The following SECISBP2 variants were observed in gnomAD, a reference collection of about 807,000 sequenced individuals.
The protein encoded by SECISBP2 is selenocysteine insertion sequence-binding protein 2.
In SECISBP2, 96 loss-of-function variants were observed where a neutral mutation model predicts 98.2. The ratio of observed to expected loss-of-function variants is 0.98; its 90% CI spans 0.83 to 1.16. The LOEUF (loss-of-function observed/expected upper bound fraction) is 1.16. Ranked by LOEUF, SECISBP2 falls within the 50% of genes most tolerant of loss-of-function variation. The pLI is 0.00. For synonymous variants in SECISBP2, 407 were observed against 370.2 expected, an observed-to-expected ratio of 1.10 and a Z score of -1.14; for missense variants, 1,046 against 1,022.9, an observed-to-expected ratio of 1.02 and a Z score of -0.31.
intron 7 of SECISBP2, among the ~76,000 whole-genome samples, chr9:89,336,248 C>G (rs557636852): frequency 1.3e-5 from 2 of 151,826 alleles, no homozygotes; most frequent in East Asian, 3.9e-4. Context: ...GTTTCCCAGG[C>G]TGGTCTTGAA....
intron 12 of SECISBP2, among the ~76,000 whole-genome samples, chr9:89,349,437 T>G (rs1214288019): frequency 6.6e-6 from 1 of 152,192 alleles, no homozygotes; most frequent in African/African-American, 2.4e-5. Flanking sequence ...TGATAAGAGA[T>G]TCTTCAAAAT....
At chr9:89,361,982 T>TA (rs1254566648), downstream of SECISBP2, 4 of 273,172 alleles carry the variant, frequency 1.5e-5, no homozygotes, top group African/African-American at 8.5e-5. Flanking sequence ...TGTTGGCTAT[T>TA]AGGGGGTGGG....
chr9:89,329,883 A>T (rs1827459619), intron 5 of SECISBP2: 1 of 152,210 alleles, frequency 6.6e-6, no homozygotes, highest in African/African-American at 2.4e-5. Flanking sequence ...TAACATGCTG[A>T]TAGCACTTTT....
At chr9:89,334,769 C>T (rs1420177117) in intron 7 of SECISBP2, 39 bp downstream of exon 7, 1 of 1,480,022 alleles carries the variant, frequency 6.8e-7, no homozygotes, top group Non-Finnish European at 9.4e-7. Context: ...ATGGTGGTTG[C>T]CAGGGGCTCA....
At chr9:89,321,176 G>A (rs760131911) in intron 2 of SECISBP2, among the ~76,000 whole-genome samples, 3 of 152,196 alleles carry the variant, frequency 2.0e-5, no homozygotes, top group Non-Finnish European at 4.4e-5. Flanking sequence ...CACTTGAGTT[G>A]TTCCCTACCT....
At chr9:89,362,511 ATC>A (rs755214396), downstream of SECISBP2, 33 of 1,612,346 alleles carry the variant, frequency 2.0e-5, no homozygotes, top group Non-Finnish European at 2.6e-5. Flanking sequence ...CTCATAGCCC[ATC>A]CCAGGCAGAG....
Position 89,339,874 on chromosome 9 carries a change from A to C in SECISBP2, c.1223A>C (p.Glu408Ala). 1 of 1,613,574 alleles carries C rather than the reference A, an allele frequency of 6.2e-7. No homozygotes were observed. The highest frequency in any genetic ancestry group is 8.5e-7 in the Non-Finnish European group (1 of 1,179,574). ...QEPPRIEDAE[E>A]FPNLAVASER... The stretch of plus-strand genomic sequence containing the variant: ...GTGTGGTTTACTTAGGATGCCGAGG[A>C]ATTTCCCAACCTGGCAGTTGCATCT... The change falls in exon 9 of 17, where the codon GAA (glutamate) becomes GCA (alanine). Residue 408 changes from glutamate (E) to alanine (A), a missense_variant. Physicochemically the swap from Glu to Ala is moderately radical, Grantham distance 107 (BLOSUM62 -1). Coordinates refer to ENST00000375807, the MANE Select transcript of SECISBP2 (RefSeq NM_024077.5).
the SECISBP2 span, among the ~76,000 whole-genome samples, chr9:89,365,837 T>C: frequency 1.3e-5 from 2 of 152,198 alleles, no homozygotes; most frequent in Non-Finnish European, 2.9e-5. Flanking sequence ...GCTGGACTTT[T>C]GAAAAGAAGA....
At position 89,318,617 on chromosome 9, in the gene SECISBP2, G is replaced by A. The variant is rs1198203759; in HGVS notation, c.36+5G>A. 2.1e-6 allele frequency: 3 copies of A among 1,432,328 alleles called. No homozygotes were observed. The highest frequency in any genetic ancestry group is 3.0e-5 in the African/African-American group (2 of 65,708). The allele number at this position is 1,432,328 out of a possible 1,614,324, so 88.7% of individuals were successfully genotyped here. A position where few individuals can be genotyped will look rare whatever the true frequency, so the allele number is the denominator to read the frequency against. ...CCGCGGGAGCCCGAAAGCGAGGTAA[G>A]GGCCGACGGGGGCTCTCTCGGCAGC... On this transcript the variant is annotated splice_donor_5th_base_variant and intron_variant, in intron 1 of 16. Transcript: ENST00000375807.
downstream of SECISBP2, among the ~76,000 whole-genome samples, chr9:89,360,511 T>G (rs113747180): frequency 6.9e-3 from 1,051 of 152,358 alleles, 15 homozygotes; most frequent in African/African-American, 0.024. Context: ...AGCTCTCTAG[T>G]TCTGTGATAT....
intron 4 of SECISBP2, among the ~76,000 whole-genome samples, chr9:89,327,198 G>T (rs568183379): frequency 3.4e-4 from 52 of 152,018 alleles, no homozygotes; most frequent in African/African-American, 1.2e-3. Context: ...TGTTTTACCC[G>T]TATAGGGCAC....
chr9:89,364,219 C>A, downstream of SECISBP2: 1 of 598,880 alleles, frequency 1.7e-6, no homozygotes, highest in Non-Finnish European at 2.8e-6. Context: ...TCCCCTAGGA[C>A]CCCCTTTCTT....
Position 89,339,871 on chromosome 9 carries a change from A to C in SECISBP2, c.1220A>C (p.Glu407Ala). 6.2e-7 allele frequency: 1 copy of C among 1,613,330 alleles called. No individual in the cohort carries two copies. Among genetic ancestry groups the C allele is most frequent in the Non-Finnish European group, 8.5e-7 (1 of 1,179,332 alleles). ...VQEPPRIEDA[E>A]EFPNLAVASE... Reference sequence around the variant, plus strand: ...GGTGTGTGGTTTACTTAGGATGCCGAGGAATTTCCCAACCTGGCAGTTGCA... The same window carrying C: ...GGTGTGTGGTTTACTTAGGATGCCGCGGAATTTCCCAACCTGGCAGTTGCA... Residue 407 changes from glutamate (E) to alanine (A), a missense_variant, in exon 9 of 17, where the codon GAG becomes GCG. Glu to Ala is a moderately radical substitution (Grantham distance 107). Coordinates refer to ENST00000375807, the MANE Select transcript of SECISBP2 (RefSeq NM_024077.5).
At position 89,341,348 on chromosome 9, in the gene SECISBP2, A is replaced by T. The variant is rs767072296; in HGVS notation, c.1304A>T (p.Asp435Val). The change falls in exon 10 of 17, where the codon GAT becomes GTT. Residue 435 changes from aspartate (D) to valine (V), a missense_variant and splice_region_variant. Asp to Val is a radical substitution (Grantham distance 152). Coordinates refer to ENST00000375807, the MANE Select transcript of SECISBP2 (RefSeq NM_024077.5). ...PKFQSKQQPQ[D>V]NFKNNVKKSQ... ...AACTTACGAATTTTGAACTTTCAGG[A>T]TAATTTTAAAAATAATGTAAAGAAG... is the stretch of plus-strand genomic sequence containing the variant. The T allele has an allele frequency of 6.2e-7, 1 of 1,613,548 alleles. No homozygotes were observed. The highest frequency in any genetic ancestry group is 1.1e-5 in the South Asian group (1 of 90,994).
chr9:89,334,899 C>T (rs1828370914), intron 7 of SECISBP2, among the ~76,000 whole-genome samples, 169 bp downstream of exon 7: 1 of 152,146 alleles, frequency 6.6e-6, no homozygotes, highest in Non-Finnish European at 1.5e-5. Context: ...GTACTTAATG[C>T]CACTGAAATA....
the SECISBP2 span, among the ~76,000 whole-genome samples, chr9:89,365,876 G>A: frequency 2.0e-4 from 30 of 152,188 alleles, no homozygotes; most frequent in South Asian, 8.3e-4. Flanking sequence ...GCTGACTTTA[G>A]TAATGCATTT....
Position 89,339,933 on chromosome 9 carries a change from C to T in SECISBP2, c.1282C>T (p.Gln428Ter), listed in dbSNP as rs45452691. 3 of 1,612,648 alleles carry T rather than the reference C, an allele frequency of 1.9e-6. No homozygotes were observed. Among genetic ancestry groups the T allele is most frequent in the Non-Finnish European group, 2.5e-6 (3 of 1,179,044 alleles). ...RRDRIETPKF[Q>*]SKQQPQDNFK... ...AGACAGAATAGAGACACCGAAATTT[C>T]AATCTAAGCAGCAGCCACAGGTAAT... The change falls in exon 9 of 17, where the codon CAA becomes TAA. Residue 428 changes from glutamine to a stop codon, truncating the protein, a stop_gained. Coordinates refer to ENST00000375807, the MANE Select transcript of SECISBP2 (RefSeq NM_024077.5). LOFTEE classifies it high-confidence loss of function.
chr9:89,334,576 TG>T lies in SECISBP2; in HGVS notation c.936del (p.Ser313GlnfsTer10). 1 of 1,614,204 alleles carries T rather than the reference TG, an allele frequency of 6.2e-7. No individual in the cohort carries two copies. The highest frequency in any genetic ancestry group is 8.5e-7 in the Non-Finnish European group (1 of 1,180,028). On this transcript the variant is annotated frameshift_variant, in exon 7 of 17. Transcript: ENST00000375807. LOFTEE classifies it high-confidence loss of function. ...YVVRQTLSTE[L>X]SAAPKNVTSM... ...GTTCGACAGACATTATCTACAGAAC[TG>T]TCAGCAGCCCCTAAAAATGTTACTT...
At chr9:89,337,391 C>T (rs1828926897) in intron 7 of SECISBP2, among the ~76,000 whole-genome samples, 1 of 152,138 alleles carries the variant, frequency 6.6e-6, no homozygotes, top group South Asian at 2.1e-4. Context: ...AAGTGTAACA[C>T]TTCAGTGATC....
Sources: gnomAD v4.1 joint callset for allele counts (sites outside exome capture counted in the v4.1 genomes callset) on GRCh38, gnomAD v4.1.1 for gene constraint, MANE v1.5 for transcripts, NCBI Gene and HGNC (gene_info 2026-07-23, HGNC 2026-07-21) for gene names.